Variants in KIF7 observed in about 807,000 individuals in gnomAD.
The protein encoded by KIF7 is kinesin family member 7, also known as kinesin-like protein KIF7.
Under a neutral mutation model 135.7 loss-of-function variants are expected in KIF7, and 104 were observed. The observed-to-expected ratio is 0.77, with a 90% CI of 0.65 to 0.90. The LOEUF (loss-of-function observed/expected upper bound fraction) is 0.90, where lower values mean the gene tolerates loss of function less well. KIF7 is among the 40% of genes least tolerant of loss of function. The pLI, the probability that KIF7 is intolerant of heterozygous loss-of-function variation, is 0.00. For missense variants in KIF7, 2,005 were observed against 1,839.1 expected (o/e 1.09, Z -1.65); for synonymous variants, 883 against 809.4 (o/e 1.09, Z -1.54).
At chr15:89,656,048 A>G (rs553130956), upstream of KIF7, among the ~76,000 whole-genome samples, 1 of 152,268 alleles carries the variant, frequency 6.6e-6, no homozygotes, top group East Asian at 1.9e-4. Context: ...AAATCTGAAA[A>G]CATATTTGTC....
intron 17 of KIF7, 101 bp downstream of exon 17, chr15:89,629,274 G>T (rs1184963271): frequency 8.4e-7 from 1 of 1,190,952 alleles, no homozygotes; most frequent in Non-Finnish European, 1.1e-6. Context: ...GCTGTGAGTG[G>T]CAGGGGCGGT....
At chr15:89,634,480 C>T (rs1297480130) in intron 11 of KIF7, among the ~76,000 whole-genome samples, 5 of 152,164 alleles carry the variant, frequency 3.3e-5, no homozygotes, top group Admixed American at 6.5e-5. Flanking sequence ...GCACCGTGCG[C>T]GAGCCGAAGC....
chr15:89,621,395 C>T (rs962608988), intron 1 of KIF7: 12 of 1,591,294 alleles, frequency 7.5e-6, no homozygotes, highest in Non-Finnish European at 9.4e-6. Context: ...ACTTGCAGAC[C>T]AAAGAGAAAA....
chr15:89,653,363 C>T (rs1567070062), intron 1 of KIF7, among the ~76,000 whole-genome samples: 1 of 152,198 alleles, frequency 6.6e-6, no homozygotes, highest in Non-Finnish European at 1.5e-5. Flanking sequence ...CCCTGCCCCA[C>T]CTTCTTCAAA....
chr15:89,639,625 T>TA (rs1253512311), intron 11 of KIF7, among the ~76,000 whole-genome samples: 4 of 133,240 alleles, frequency 3.0e-5, no homozygotes, highest in African/African-American at 1.2e-4. Flanking sequence ...TGGCAATCAT[T>TA]AAAAAGTCAG....
intron 8 of KIF7, 109 bp from the exon 9 acceptor site, chr15:89,645,560 G>T: frequency 1.1e-6 from 1 of 877,860 alleles, no homozygotes. Context: ...CACCTCCCAG[G>T]GTCAATATAA....
At chr15:89,641,594 G>T (rs1338035522) in intron 11 of KIF7, among the ~76,000 whole-genome samples, 1 of 152,178 alleles carries the variant, frequency 6.6e-6, no homozygotes, top group African/African-American at 2.4e-5. Context: ...TTGAGGTCAG[G>T]AGTTCAAGAC....
At chr15:89,658,001 T>A (rs765936018), upstream of KIF7, among the ~76,000 whole-genome samples, 1 of 152,198 alleles carries the variant, frequency 6.6e-6, no homozygotes, top group Non-Finnish European at 1.5e-5. Flanking sequence ...GGAAACCAGA[T>A]CTATGACAGA....
chr15:89,625,129 A>G (rs1963495688), downstream of KIF7: 1 of 1,613,956 alleles, frequency 6.2e-7, no homozygotes, highest in Non-Finnish European at 8.5e-7. Context: ...TGCTCTCAGC[A>G]TGCCCAGGGC....
intron 11 of KIF7, among the ~76,000 whole-genome samples, chr15:89,638,561 A>G (rs1199126827): frequency 1.3e-5 from 2 of 151,846 alleles, no homozygotes; most frequent in Non-Finnish European, 2.9e-5. Flanking sequence ...CAAAGAGAAT[A>G]AAATACCTAG....
chr15:89,627,279 G>C (rs1023828237), downstream of KIF7: 1 of 666,934 alleles, frequency 1.5e-6, no homozygotes, highest in African/African-American at 1.8e-5. Context: ...TGGGGAAGTT[G>C]CAGGAGGAGA....
intron 10 of KIF7, among the ~76,000 whole-genome samples, chr15:89,642,733 C>A (rs1182945998): frequency 1.3e-5 from 2 of 152,170 alleles, no homozygotes; most frequent in East Asian, 1.9e-4. Context: ...CTACACCTGG[C>A]TAATTTTGTA....
At chr15:89,651,222 C>A (rs1307724781) in intron 2 of KIF7, among the ~76,000 whole-genome samples, 1 of 152,194 alleles carries the variant, frequency 6.6e-6, no homozygotes, top group Non-Finnish European at 1.5e-5. Context: ...GCCTCAGCCT[C>A]CCAAGTAGCT....
intron 1 of KIF7, among the ~76,000 whole-genome samples, chr15:89,619,232 T>C (rs988640480): frequency 6.8e-6 from 1 of 146,374 alleles, no homozygotes; most frequent in Non-Finnish European, 1.5e-5. Flanking sequence ...TTTTTTTTTT[T>C]TTTTTTTTGG....
intron 7 of KIF7, among the ~76,000 whole-genome samples, chr15:89,646,272 TTGTGTACAGGTCA>T (rs1964011829): frequency 6.6e-6 from 1 of 152,020 alleles, no homozygotes; most frequent in South Asian, 2.1e-4. Flanking sequence ...CCTTTCTACC[TTGTGTACAGGTCA>T]TGTGCACCCA....
chr15:89,634,575 C>A (rs1963761848), intron 11 of KIF7, among the ~76,000 whole-genome samples: 1 of 152,200 alleles, frequency 6.6e-6, no homozygotes, highest in Admixed American at 6.5e-5. Context: ...CAGATGGCAC[C>A]TGGAAAATCG....
intron 11 of KIF7, among the ~76,000 whole-genome samples, 156 bp from the exon 12 acceptor site, chr15:89,634,039 C>G (rs975898891): frequency 6.6e-5 from 10 of 152,232 alleles, no homozygotes; most frequent in African/African-American, 2.4e-4. Context: ...TGGCTCACGT[C>G]TGTAATCCCA....
chr15:89,648,868 G>C, intron 4 of KIF7, 94 bp from the exon 5 acceptor site: 2 of 1,465,340 alleles, frequency 1.4e-6, no homozygotes, highest in South Asian at 2.8e-5. Context: ...CGCGGTTCCC[G>C]TGGGCTGGAG....
At position 89,646,869 on chromosome 15, in the gene KIF7, G is replaced by A. The variant is rs1410416536; in HGVS notation, c.1749C>T (p.Cys583=). 5.0e-6 allele frequency: 8 copies of A among 1,613,970 alleles called. No individual in the cohort carries two copies. The highest frequency in any genetic ancestry group is 6.8e-6 in the Non-Finnish European group (8 of 1,180,024). ...CAGAGCCAACTTCATCTCCAGGGAG[G>A]CAGGCAGGCGGCACCATGCCCAGCA... ...AHVLGMVPPA[C]LPGDEVGSEQ... The change falls in exon 7 of 19, where the codon TGC becomes TGT. Residue 583 remains cysteine, a synonymous_variant. Transcript: ENST00000394412.
Sources: gnomAD v4.1 joint callset for allele counts (sites outside exome capture counted in the v4.1 genomes callset) on GRCh38, gnomAD v4.1.1 for gene constraint, MANE v1.5 for transcripts, NCBI Gene and HGNC (gene_info 2026-07-23, HGNC 2026-07-21) for gene names.